POMP: variants seen among roughly 807,000 people sequenced by gnomAD.
POMP encodes proteasome maturation protein.
In POMP, 12 loss-of-function variants were observed where a neutral mutation model predicts 20.6. That is an observed-to-expected ratio of 0.58 (90% CI 0.37 to 0.94). The LOEUF (loss-of-function observed/expected upper bound fraction) is 0.94, where lower values mean the gene tolerates loss of function less well. Among genes scored for constraint, POMP ranks in the 40% least tolerant of loss-of-function variants. The pLI is 0.01. For missense variants in POMP, 136 were observed against 161.1 expected (o/e 0.84, Z 0.84); for synonymous variants, 53 against 55.0 (o/e 0.96, Z 0.16).
intron 4 of POMP, among the ~76,000 whole-genome samples, chr13:28,671,312 A>G (rs879651155): frequency 2.6e-5 from 4 of 152,170 alleles, no homozygotes; most frequent in Non-Finnish European, 5.9e-5. Flanking sequence ...ATTAAATGAA[A>G]TCACATGTTT....
intron 1 of POMP, among the ~76,000 whole-genome samples, chr13:28,660,733 T>C (rs1482049846): frequency 6.6e-6 from 1 of 152,176 alleles, no homozygotes; most frequent in Non-Finnish European, 1.5e-5. Context: ...TTCTTGTATG[T>C]AGGGGAGTTG....
At chr13:28,672,526 CT>C in intron 5 of POMP, 94 bp downstream of exon 5, 1 of 916,126 alleles carries the variant, frequency 1.1e-6, no homozygotes, top group Non-Finnish European at 1.8e-6. Flanking sequence ...CCTCATGGAA[CT>C]TACAGCTGAT....
chr13:28,662,787 C>T (rs1032459540), intron 2 of POMP, among the ~76,000 whole-genome samples: 2 of 152,188 alleles, frequency 1.3e-5, no homozygotes, highest in Admixed American at 6.5e-5. Context: ...CTACTGATAA[C>T]TTAGCCATTT....
chr13:28,668,768 C>T (rs147657709), intron 4 of POMP, among the ~76,000 whole-genome samples, 194 bp downstream of exon 4: 24 of 152,062 alleles, frequency 1.6e-4, no homozygotes, highest in Non-Finnish European at 7.4e-5. Flanking sequence ...AAATTACAGG[C>T]TCAGTGTCTG....
intron 5 of POMP, among the ~76,000 whole-genome samples, chr13:28,675,052 TA>T (rs925318057): frequency 6.6e-6 from 1 of 151,894 alleles, no homozygotes; most frequent in Non-Finnish European, 1.5e-5. Flanking sequence ...AAATAAAAAA[TA>T]AGCCACTTGC....
At position 28,677,181 on chromosome 13, in the gene POMP, A is replaced by G. The variant is rs537106480; in HGVS notation, c.359-854A>G. Among the ~76,000 whole-genome samples the G allele has an allele frequency of 4.7e-5, 7 of 149,838 alleles. No individual in the cohort carries two copies. The South Asian group carries it at 1.5e-3, about 31-fold the overall frequency. ...TCCAGACTGTTCTGCGTGTCTTTCT[A>G]TGTAGTCAAAAATATTGCCTTTTTT... is the stretch of plus-strand genomic sequence containing the variant. On this transcript the variant is annotated intron_variant, in intron 5 of 5. Transcript: ENST00000380842.
chr13:28,676,875 G>A (rs900633489), intron 5 of POMP, among the ~76,000 whole-genome samples: 1 of 152,134 alleles, frequency 6.6e-6, no homozygotes, highest in African/African-American at 2.4e-5. Flanking sequence ...AGAGTCTCAC[G>A]GCGAGCTTGT....
chr13:28,670,157 T>G (rs988370705), intron 4 of POMP, among the ~76,000 whole-genome samples: 2 of 152,170 alleles, frequency 1.3e-5, no homozygotes, highest in African/African-American at 4.8e-5. Flanking sequence ...TCTCATGAGC[T>G]ATAAACCTAT....
Position 28,662,471 on chromosome 13 carries a change from G to A in POMP, c.65G>A (p.Ser22Asn). 6.2e-7 allele frequency: 1 copy of A among 1,613,878 alleles called. No individual in the cohort carries two copies. The highest frequency in any genetic ancestry group is 8.5e-7 in the Non-Finnish European group (1 of 1,179,790). ...ATTCCAGTTACTGAACTTTCAGCAA[G>A]TGGACCTTTTGAAAGTCATGATCTT... is the stretch of plus-strand genomic sequence containing the variant. Reference protein sequence around the residue: ...DSIPVTELSASGPFESHDLLR... With the variant: ...DSIPVTELSANGPFESHDLLR... The change falls in exon 2 of 6, where the codon AGT becomes AAT. Residue 22 changes from serine (S) to asparagine (N), a missense_variant. Coordinates refer to ENST00000380842, the MANE Select transcript of POMP (RefSeq NM_015932.6).
At chr13:28,673,524 A>C (rs1884585640) in intron 5 of POMP, among the ~76,000 whole-genome samples, 1 of 152,250 alleles carries the variant, frequency 6.6e-6, no homozygotes, top group Non-Finnish European at 1.5e-5. Context: ...CCAGCAGTGC[A>C]GGAGAAACAA....
chr13:28,661,747 G>A (rs1280510539), intron 1 of POMP, among the ~76,000 whole-genome samples: 4 of 152,052 alleles, frequency 2.6e-5, no homozygotes, highest in Non-Finnish European at 5.9e-5. Context: ...TATAGGTAGC[G>A]CTATCTTCAT....
chr13:28,664,469 T>A, intron 2 of POMP, 40 bp from the exon 3 acceptor site: 1 of 1,373,536 alleles, frequency 7.3e-7, no homozygotes, highest in South Asian at 1.2e-5. Flanking sequence ...TGAGTGATAT[T>A]TAATCTCCTC....
intron 5 of POMP, among the ~76,000 whole-genome samples, chr13:28,675,845 G>C (rs1164390945): frequency 1.3e-5 from 2 of 152,112 alleles, no homozygotes; most frequent in Non-Finnish European, 2.9e-5. Flanking sequence ...TATATGGCGA[G>C]AGGGAGCAAG....
chr13:28,664,843 G>C (rs962907750), intron 3 of POMP, among the ~76,000 whole-genome samples: 1 of 151,952 alleles, frequency 6.6e-6, no homozygotes, highest in Non-Finnish European at 1.5e-5. Flanking sequence ...TTTCAATAAT[G>C]CTGTTTCTTT....
intron 4 of POMP, among the ~76,000 whole-genome samples, chr13:28,669,448 T>C (rs1884505282): frequency 6.6e-6 from 1 of 152,204 alleles, no homozygotes; most frequent in Non-Finnish European, 1.5e-5. Context: ...TGATCATAGC[T>C]CACTGCATCC....
chr13:28,665,826 G>A (rs996764948), intron 3 of POMP, among the ~76,000 whole-genome samples: 1 of 152,156 alleles, frequency 6.6e-6, no homozygotes, highest in African/African-American at 2.4e-5. Flanking sequence ...ATTACATGGT[G>A]GATTATTAAC....
chr13:28,664,347 C>G (rs562665924), intron 2 of POMP, among the ~76,000 whole-genome samples, 162 bp from the exon 3 acceptor site: 1 of 151,134 alleles, frequency 6.6e-6, no homozygotes, highest in African/African-American at 2.4e-5. Context: ...ATTTTTAGCA[C>G]ATGTATCAAT....
chr13:28,666,186 A>G (rs1373528690), intron 3 of POMP, among the ~76,000 whole-genome samples: 1 of 152,226 alleles, frequency 6.6e-6, no homozygotes, highest in Non-Finnish European at 1.5e-5. Context: ...GATTCAAAAA[A>G]TGAATTCTAC....
At chr13:28,677,440 T>C (rs780035617) in intron 5 of POMP, among the ~76,000 whole-genome samples, 1 of 152,228 alleles carries the variant, frequency 6.6e-6, no homozygotes, top group Non-Finnish European at 1.5e-5. Context: ...AAAAAGTCTC[T>C]GTCTTTAGGA....
Sources: allele counts gnomAD v4.1 joint callset (sites outside exome capture counted in the v4.1 genomes callset), GRCh38; gene constraint gnomAD v4.1.1; transcripts MANE v1.5; gene names NCBI Gene and HGNC (gene_info 2026-07-23, HGNC 2026-07-21).